Variants in RORA observed in about 807,000 individuals in gnomAD.
The protein encoded by RORA is nuclear receptor ROR-alpha.
RORA carries 7 observed loss-of-function variants against 69.5 expected under a neutral mutation model. The observed-to-expected ratio is 0.10, with a 90% CI of 0.06 to 0.19. The LOEUF is 0.19. Ranked by LOEUF, RORA falls within the 10% of genes least tolerant of loss-of-function variation. The pLI, the probability that RORA is intolerant of heterozygous loss-of-function variation, is 1.00. For missense variants in RORA, 457 were observed against 663.0 expected (o/e 0.69, Z 3.41); for synonymous variants, 261 against 240.8 (o/e 1.08, Z -0.78).
At chr15:61,223,523 AAAAG>A (rs146989161) in intron 1 of RORA, among the ~76,000 whole-genome samples, 26,726 of 152,042 alleles carry the variant, frequency 0.18, 2,451 homozygotes, top group African/African-American at 0.19. Context: ...ATTTAACAAA[AAAAG>A]AAAGAAAGAA....
In RORA at chr15:60,623,064, G is replaced by T. The variant is rs148056604; in HGVS notation, c.196+55593C>A. ...GTTGCAGCTACCCAGTGAGACCCTG[G>T]AAACCCTGAGGAATGCCGTGTCTTC... is the stretch of plus-strand genomic sequence containing the variant. On this transcript the variant is annotated intron_variant, in intron 2 of 10. Coordinates refer to ENST00000335670, the MANE Select transcript of RORA (RefSeq NM_134261.3). Among the ~76,000 whole-genome samples, 728 of 152,310 alleles carry T rather than the reference G, an allele frequency of 4.8e-3. 5 individuals carry two copies. The highest frequency in any genetic ancestry group is 0.017 in the African/African-American group (698 of 41,560).
In RORA at chr15:60,503,576, A is replaced by G. The variant is rs776618662; in HGVS notation, c.1034T>C (p.Met345Thr). 3.1e-6 allele frequency: 5 copies of G among 1,614,058 alleles called. No individual in the cohort carries two copies. The highest frequency in any genetic ancestry group is 4.2e-6 in the Non-Finnish European group (5 of 1,180,010). The part of the protein sequence containing the change: ...VEFAKRIDGF[M>T]ELCQNDQIVL... ...AATTTGATCATTTTGACACAGTTCC[A>G]TAAATCCATCAATGCGTTTGGCAAA... The change falls in exon 7 of 11, where the codon ATG becomes ACG. Residue 345 changes from methionine to threonine, a missense_variant. By Grantham distance (81) the Met-to-Thr change is moderately conservative. Around this residue, in one of 3 missense-constraint regions of RORA, gnomAD observed 304 missense variants for 447.4 expected, o/e 0.68. Transcript: ENST00000335670.
chr15:61,071,161 C>T lies in RORA; in HGVS notation c.166+157892G>A, dbSNP rs374670222. Among the ~76,000 whole-genome samples the T allele has an allele frequency of 5.4e-5, 7 of 129,424 alleles. 1 individual carries two copies. The highest frequency in any genetic ancestry group is 2.1e-4 in the African/African-American group (7 of 33,112). The allele number at this position is 129,424 out of a possible 152,430, so 84.9% of individuals were successfully genotyped here. A position where few individuals can be genotyped will look rare whatever the true frequency, so the allele number is the denominator to read the frequency against. The stretch of plus-strand genomic sequence containing the variant: ...ATATGAGGTTGTTTCTAAGTCAAAG[C>T]ATTCAGAGAAACACAAACCTTGACT... On this transcript the variant is annotated intron_variant, in intron 1 of 10. Transcript: ENST00000335670.
intron 1 of RORA, among the ~76,000 whole-genome samples, chr15:60,735,538 C>T (rs947629152): frequency 6.6e-6 from 1 of 151,304 alleles, no homozygotes; most frequent in Non-Finnish European, 1.5e-5. Context: ...GAGAGCCTAC[C>T]ACCTTTAGAA....
intron 1 of RORA, among the ~76,000 whole-genome samples, chr15:60,772,268 C>G (rs1053775958): frequency 9.9e-5 from 15 of 151,848 alleles, no homozygotes; most frequent in African/African-American, 3.6e-4. Flanking sequence ...TCCAAGTGTT[C>G]TCATTGTTCA....
chr15:61,228,986 C>T, intron 1 of RORA, 67 bp downstream of exon 1: 2 of 913,672 alleles, frequency 2.2e-6, no homozygotes, highest in Non-Finnish European at 2.7e-6. Flanking sequence ...GCGCCCGCTC[C>T]CGGCCGCCCC....
At chr15:60,893,799 A>T (rs1298212175) in intron 1 of RORA, among the ~76,000 whole-genome samples, 1 of 152,132 alleles carries the variant, frequency 6.6e-6, no homozygotes, top group Non-Finnish European at 1.5e-5. Flanking sequence ...TTTAAAGCTG[A>T]AAGGATCTTT....
At position 60,496,649 on chromosome 15, in the gene RORA, G is replaced by C. The variant is rs1460657139; in HGVS notation, c.*806C>G. Reference sequence around the variant, plus strand: ...GGTGATTTCTAGATATGACCAGCCAGTCTCTTAAAAATAATTTTGTAAACA... The same window carrying C: ...GGTGATTTCTAGATATGACCAGCCACTCTCTTAAAAATAATTTTGTAAACA... On this transcript the variant is annotated 3_prime_UTR_variant, in exon 11 of 11. Coordinates refer to ENST00000335670, the MANE Select transcript of RORA (RefSeq NM_134261.3). This position sits in a 1 kb window ranked among gnomAD's most constrained non-coding sequence, Gnocchi z 4.5. 2.0e-5 allele frequency: 3 copies of C among 152,046 alleles called. No homozygotes were observed. Among genetic ancestry groups the C allele is most frequent in the African/African-American group, 4.8e-5 (2 of 41,386 alleles). 9.4% of individuals were successfully genotyped at this position (152,046 alleles called of 1,614,324 possible).
chr15:60,923,516 G>C (rs1001953443), intron 1 of RORA, among the ~76,000 whole-genome samples: 5 of 152,168 alleles, frequency 3.3e-5, no homozygotes, highest in Non-Finnish European at 7.3e-5. Context: ...CTGACACTCA[G>C]AGTCACTTGA....
At chr15:60,576,236 T>C (rs1021132581) in intron 2 of RORA, among the ~76,000 whole-genome samples, 1 of 152,224 alleles carries the variant, frequency 6.6e-6, no homozygotes, top group Non-Finnish European at 1.5e-5. Context: ...AATAAAACTA[T>C]GCTGGGAGCA....
chr15:61,054,242 G>A (rs2078058146), intron 1 of RORA, among the ~76,000 whole-genome samples: 1 of 150,898 alleles, frequency 6.6e-6, no homozygotes, highest in African/African-American at 2.4e-5. Flanking sequence ...AACACAAGAG[G>A]AAACGTATGG....
At chr15:60,850,393 T>C (rs993822338) in intron 1 of RORA, among the ~76,000 whole-genome samples, 3 of 152,126 alleles carry the variant, frequency 2.0e-5, no homozygotes, top group Admixed American at 6.5e-5. Flanking sequence ...AAGATGCTGG[T>C]GTGATGTTTA....
intron 1 of RORA, among the ~76,000 whole-genome samples, chr15:61,177,576 G>A (rs927724380): frequency 2.6e-5 from 4 of 152,096 alleles, no homozygotes; most frequent in Admixed American, 2.6e-4. Flanking sequence ...GGACATTTGA[G>A]TGTTACAAAT....
intron 2 of RORA, among the ~76,000 whole-genome samples, chr15:60,558,798 C>T (rs774836845): frequency 4.6e-5 from 7 of 152,158 alleles, no homozygotes; most frequent in Non-Finnish European, 2.9e-5. Flanking sequence ...CTCTTAAAGG[C>T]AAGGTCTGAA....
intron 1 of RORA, among the ~76,000 whole-genome samples, chr15:60,932,278 C>T (rs1316534304): frequency 1.3e-5 from 2 of 152,076 alleles, no homozygotes; most frequent in Admixed American, 1.3e-4. Context: ...TGAGCAGCTG[C>T]CTTGGACCAG....
chr15:61,044,918 C>T (rs1227032867), intron 1 of RORA, among the ~76,000 whole-genome samples: 2 of 152,218 alleles, frequency 1.3e-5, no homozygotes, highest in African/African-American at 4.8e-5. Context: ...ACAAGAGGCA[C>T]TTGAGAAATA....
At chr15:61,167,392 A>C (rs1459470416) in intron 1 of RORA, among the ~76,000 whole-genome samples, 1 of 152,128 alleles carries the variant, frequency 6.6e-6, no homozygotes, top group East Asian at 1.9e-4. Context: ...ATTATTACAG[A>C]CACTCAGGTT....
At chr15:60,579,759 A>C (rs1387234997) in intron 2 of RORA, among the ~76,000 whole-genome samples, 2 of 152,122 alleles carry the variant, frequency 1.3e-5, no homozygotes, top group Admixed American at 6.6e-5. Flanking sequence ...AGCCCCATGC[A>C]AATTAATGCT....
chr15:60,717,573 GT>G (rs1482286091), intron 1 of RORA, among the ~76,000 whole-genome samples: 1 of 152,184 alleles, frequency 6.6e-6, no homozygotes, highest in Non-Finnish European at 1.5e-5. Flanking sequence ...CCTTTATCAT[GT>G]TTTTTTGTCT....
Sources: allele counts gnomAD v4.1 joint callset (sites outside exome capture counted in the v4.1 genomes callset), GRCh38; gene constraint gnomAD v4.1.1; regional missense constraint gnomAD v4.1.1; non-coding constraint Gnocchi (gnomAD v3.1); transcripts MANE v1.5; gene names NCBI Gene and HGNC (gene_info 2026-07-23, HGNC 2026-07-21).